The following LCK variants were observed in gnomAD, a reference collection of about 807,000 sequenced individuals.
The protein encoded by LCK is LCK proto-oncogene, Src family tyrosine kinase.
In LCK, 14 loss-of-function variants were observed where a neutral mutation model predicts 64.6. The ratio of observed to expected loss-of-function variants is 0.22; its 90% CI spans 0.14 to 0.34. The LOEUF is 0.34. LCK is among the 10% of genes least tolerant of loss of function. LCK has a pLI of 1.00. For synonymous variants in LCK, 277 were observed against 263.6 expected (o/e 1.05, Z -0.49); for missense variants, 434 against 668.1 (o/e 0.65, Z 3.86).
At chr1:32,262,766 A>G (rs1045665436) in intron 1 of LCK, among the ~76,000 whole-genome samples, 3 of 151,136 alleles carry the variant, frequency 2.0e-5, no homozygotes, top group African/African-American at 7.3e-5. Context: ...AGTAGCCAAC[A>G]TGATCTAACC....
chr1:32,285,106 C>T (rs942254412), intron 12 of LCK, among the ~76,000 whole-genome samples: 5 of 151,994 alleles, frequency 3.3e-5, no homozygotes, highest in African/African-American at 9.7e-5. Flanking sequence ...AGTTCAAGAC[C>T]AGCCTGACCA....
chr1:32,280,500 G>A (rs1640425309), intron 12 of LCK, among the ~76,000 whole-genome samples: 1 of 120,338 alleles, frequency 8.3e-6, no homozygotes, highest in Non-Finnish European at 1.6e-5. Flanking sequence ...CTGTCTCCCA[G>A]GCTGGGGTGC....
chr1:32,268,623 A>G (rs1557578517), intron 1 of LCK, among the ~76,000 whole-genome samples: 1 of 151,924 alleles, frequency 6.6e-6, no homozygotes, highest in Non-Finnish European at 1.5e-5. Flanking sequence ...GATACCCATA[A>G]AAGTAAATAA....
chr1:32,274,694 A>G (rs1436653158), intron 2 of LCK, 43 bp from the exon 3 acceptor site: 3 of 1,483,834 alleles, frequency 2.0e-6, no homozygotes. Flanking sequence ...GGTCTGACCC[A>G]ATCTTCTGCT....
At chr1:32,265,326 G>A (rs142160867) in intron 1 of LCK, among the ~76,000 whole-genome samples, 4 of 152,280 alleles carry the variant, frequency 2.6e-5, no homozygotes, top group Admixed American at 2.0e-4. Flanking sequence ...AGGCCTCCCC[G>A]GCACTAGCCT....
In LCK at chr1:32,285,917, A is replaced by G; in HGVS notation, c.*201A>G. The G allele has an allele frequency of 3.3e-6, 2 of 612,782 alleles. No homozygotes were observed. The highest frequency in any genetic ancestry group is 5.8e-6 in the Non-Finnish European group (2 of 345,730). The allele number at this position is 612,782 out of a possible 1,614,324, so 38.0% of individuals were successfully genotyped here. A position where few individuals can be genotyped will look rare whatever the true frequency, so the allele number is the denominator to read the frequency against. ...CTCTGCACATGTCTTGTACATGTGT[A>G]GCCTGTGCATGTATGTCTTGGACAC... On this transcript the variant is annotated 3_prime_UTR_variant, in exon 13 of 13. Coordinates refer to ENST00000336890, the MANE Select transcript of LCK (RefSeq NM_005356.5).
chr1:32,264,011 G>A (rs1259651121), intron 1 of LCK, among the ~76,000 whole-genome samples: 4 of 151,892 alleles, frequency 2.6e-5, no homozygotes, highest in African/African-American at 9.7e-5. Context: ...ACATAGGGAC[G>A]GTCGCTGCTA....
At chr1:32,262,394 G>C (rs1639798905) in intron 1 of LCK, among the ~76,000 whole-genome samples, 1 of 148,666 alleles carries the variant, frequency 6.7e-6, no homozygotes, top group African/African-American at 2.4e-5. Context: ...CCAGCTACTT[G>C]GGAGGCTGTG....
chr1:32,268,484 T>TATAATA (rs1159122247), intron 1 of LCK, among the ~76,000 whole-genome samples: 1 of 151,008 alleles, frequency 6.6e-6, no homozygotes, highest in Non-Finnish European at 1.5e-5. Flanking sequence ...AGCTAGTTTT[T>TATAATA]ATAATAATAA....
chr1:32,265,100 G>C (rs1240118671), intron 1 of LCK, among the ~76,000 whole-genome samples: 4 of 151,930 alleles, frequency 2.6e-5, no homozygotes, highest in Admixed American at 2.6e-4. Flanking sequence ...CCAGCTGCTC[G>C]GGAGGCTGAG....
At chr1:32,280,391 G>A (rs1557588937) in intron 12 of LCK, among the ~76,000 whole-genome samples, 181 bp downstream of exon 12, 3 of 142,696 alleles carry the variant, frequency 2.1e-5, no homozygotes, top group South Asian at 2.2e-4. Context: ...TTCCATCTCC[G>A]TATCTCTCTT....
intron 1 of LCK, among the ~76,000 whole-genome samples, chr1:32,273,792 G>A (rs1177600205): frequency 6.6e-6 from 1 of 152,186 alleles, no homozygotes; most frequent in Non-Finnish European, 1.5e-5. Context: ...ACTGTGGGCT[G>A]TGTGAGGGGA....
At chr1:32,279,060 G>T (rs2124366394) in intron 9 of LCK, among the ~76,000 whole-genome samples, 1 of 152,252 alleles carries the variant, frequency 6.6e-6, no homozygotes, top group Admixed American at 6.5e-5. Context: ...GAACATGGAT[G>T]GATGAAACAA....
At chr1:32,264,414 T>G (rs775195321) in intron 1 of LCK, among the ~76,000 whole-genome samples, 8 of 151,744 alleles carry the variant, frequency 5.3e-5, no homozygotes, top group Non-Finnish European at 7.4e-5. Flanking sequence ...CCCAGCTATT[T>G]GGGAGGCTGA....
chr1:32,275,548 G>C lies in LCK; in HGVS notation c.378-21G>C. 1 of 1,561,006 alleles carries C rather than the reference G, an allele frequency of 6.4e-7. No homozygotes were observed. Among genetic ancestry groups the C allele is most frequent in the South Asian group, 1.2e-5 (1 of 85,542 alleles). The stretch of plus-strand genomic sequence containing the variant: ...GATCCGACGACAGCCGACGGCCTTC[G>C]TTCGCTTCCGCCCTGCACAGCTGGT... On this transcript the variant is annotated intron_variant, in intron 5 of 12. Coordinates refer to ENST00000336890, the MANE Select transcript of LCK (RefSeq NM_005356.5). The surrounding 1 kb of genome is among the most constrained non-coding windows in gnomAD (Gnocchi z 6.9).
At chr1:32,271,874 C>A (rs1640088495) in intron 1 of LCK, among the ~76,000 whole-genome samples, 2 of 152,108 alleles carry the variant, frequency 1.3e-5, no homozygotes, top group African/African-American at 2.4e-5. Flanking sequence ...GGCAGTGGGA[C>A]CCTGGGGCTG....
intron 1 of LCK, among the ~76,000 whole-genome samples, chr1:32,270,250 C>CTTTTTTTTTTTTTTT (rs1195979098): frequency 1.6e-5 from 2 of 126,662 alleles, no homozygotes; most frequent in African/African-American, 3.1e-5. Flanking sequence ...GCCCAGCTAA[C>CTTTTTTTTTTTTTTT]TTTTTTTTTT....
chr1:32,272,623 A>AAGAGAGAGAG (rs145594259), intron 1 of LCK, among the ~76,000 whole-genome samples: 11 of 123,108 alleles, frequency 8.9e-5, no homozygotes, highest in Middle Eastern at 4.0e-3. Flanking sequence ...GAGAGAGAGA[A>AAGAGAGAGAG]AGAGAGAGAG....
At chr1:32,274,002 AG>A (rs756395350) in intron 1 of LCK, 25 of 398,234 alleles carry the variant, frequency 6.3e-5, no homozygotes, top group African/African-American at 4.1e-4. Context: ...GTACTGGCAG[AG>A]GGAGAGGGAG....
Sources: gnomAD v4.1 joint callset for allele counts (sites outside exome capture counted in the v4.1 genomes callset) on GRCh38, gnomAD v4.1.1 for gene constraint, Gnocchi (gnomAD v3.1) non-coding constraint, MANE v1.5 for transcripts, NCBI Gene and HGNC (gene_info 2026-07-23, HGNC 2026-07-21) for gene names.